Variants in PIK3C2A observed in about 807,000 individuals in gnomAD.
PIK3C2A encodes the protein phosphatidylinositol-4-phosphate 3-kinase catalytic subunit type 2 alpha, also known as phosphatidylinositol 4-phosphate 3-kinase C2 domain-containing subunit alpha.
In PIK3C2A, 97 loss-of-function variants were observed where a neutral mutation model predicts 204.5. That is an observed-to-expected ratio of 0.47 (90% CI 0.40 to 0.56). The LOEUF (loss-of-function observed/expected upper bound fraction) is 0.56. PIK3C2A is among the 20% of genes least tolerant of loss of function. The pLI is 0.00. For missense variants in PIK3C2A, 1,735 were observed against 1,969.2 expected, an observed-to-expected ratio of 0.88 and a Z score of 2.25; for synonymous variants, 653 against 664.4, an observed-to-expected ratio of 0.98 and a Z score of 0.26.
At position 17,169,013 on chromosome 11, in the gene PIK3C2A, C is replaced by T. The variant is rs377682472; in HGVS notation, c.729G>A (p.Arg243=). The part of the protein sequence containing the change: ...TSEFLKNGKA[R]TDLEITDSKV... ...TTGAATCTGTTATCTCCAAATCAGT[C>T]CTTGCTTTCCCATTTTTTAAAAATT... Residue 243 remains arginine, a synonymous_variant, in exon 2 of 33, where the codon AGG becomes AGA. Coordinates refer to ENST00000691414, the MANE Select transcript of PIK3C2A (RefSeq NM_002645.4). 2.5e-6 allele frequency: 4 copies of T among 1,613,630 alleles called. No individual in the cohort carries two copies. Among genetic ancestry groups the T allele is most frequent in the Non-Finnish European group, 3.4e-6 (4 of 1,179,880 alleles).
chr11:17,120,763 C>G (rs1849343545), intron 15 of PIK3C2A, among the ~76,000 whole-genome samples: 1 of 152,096 alleles, frequency 6.6e-6, no homozygotes, highest in South Asian at 2.1e-4. Flanking sequence ...TTTTCTTCAG[C>G]TAACCTATTT....
Position 17,169,120 on chromosome 11 carries a change from G to A in PIK3C2A, c.622C>T (p.Pro208Ser), listed in dbSNP as rs766494475. 6.2e-7 allele frequency: 1 copy of A among 1,614,090 alleles called. No individual in the cohort carries two copies. The highest frequency in any genetic ancestry group is 1.7e-5 in the Admixed American group (1 of 60,004). The change falls in exon 2 of 33, where the codon CCA (proline) becomes TCA (serine). Residue 208 changes from proline (P) to serine (S), a missense_variant. By Grantham distance (74) the Pro-to-Ser change is moderately conservative. Coordinates refer to ENST00000691414, the MANE Select transcript of PIK3C2A (RefSeq NM_002645.4). Reference sequence around the variant, plus strand: ...CGATAGATAGGTAAGCTTCCTTGTGGATGAAAGGGTGTGGCAGGTGTCAAA... The same window carrying A: ...CGATAGATAGGTAAGCTTCCTTGTGAATGAAAGGGTGTGGCAGGTGTCAAA... ...YPLTPATPFH[P>S]QGSLPIYRPV...
intron 2 of PIK3C2A, among the ~76,000 whole-genome samples, chr11:17,165,784 A>G (rs1351778017): frequency 2.0e-3 from 3 of 1,490 alleles, no homozygotes; most frequent in East Asian, 3.3e-3. Context: ...AAAAAAGTGA[A>G]AAAAAAAAAA....
chr11:17,091,314 T>C lies in PIK3C2A; in HGVS notation c.4878+20A>G, dbSNP rs775799733. The C allele has an allele frequency of 1.3e-6, 2 of 1,595,802 alleles. No individual in the cohort carries two copies. The highest frequency in any genetic ancestry group is 1.1e-5 in the South Asian group (1 of 87,826). On this transcript the variant is annotated intron_variant, in intron 32 of 32. Transcript: ENST00000691414. ...AAAAATAATAAACCAAGGAAACTTC[T>C]AGAAATGATTTTAACTTACCATTTC... is the stretch of plus-strand genomic sequence containing the variant.
At chr11:17,119,340 T>A in intron 16 of PIK3C2A, 27 bp from the exon 17 acceptor site, 1 of 1,318,166 alleles carries the variant, frequency 7.6e-7, no homozygotes, top group Non-Finnish European at 1.1e-6. Context: ...AAACCAAGAT[T>A]GGACAGTGAT....
intron 27 of PIK3C2A, among the ~76,000 whole-genome samples, chr11:17,096,132 G>A (rs531783082): frequency 4.0e-5 from 6 of 151,516 alleles, no homozygotes; most frequent in African/African-American, 1.5e-4. Flanking sequence ...TCTGCCTCTC[G>A]GGTTCAAGCG....
In PIK3C2A at chr11:17,101,259, G is replaced by T; in HGVS notation, c.4008+19C>A. ...TGCATTAATATAAAACTAATTAAGT[G>T]CTTATAAAGAATAGTTACCAGTGAA... On this transcript the variant is annotated intron_variant, in intron 25 of 32. Transcript: ENST00000691414. The T allele has an allele frequency of 2.2e-6, 3 of 1,372,920 alleles. No individual in the cohort carries two copies. The highest frequency in any genetic ancestry group is 3.0e-6 in the Non-Finnish European group (3 of 1,006,882). The allele number at this position is 1,372,920 out of a possible 1,614,324, so 85.0% of individuals were successfully genotyped here. A position where few individuals can be genotyped will look rare whatever the true frequency, so the allele number is the denominator to read the frequency against.
At chr11:17,144,455 A>G (rs1176965781) in intron 8 of PIK3C2A, among the ~76,000 whole-genome samples, 1 of 152,220 alleles carries the variant, frequency 6.6e-6, no homozygotes, top group Non-Finnish European at 1.5e-5. Context: ...GCATATAGTA[A>G]GCATCCAATA....
intron 1 of PIK3C2A, among the ~76,000 whole-genome samples, chr11:17,184,956 T>A (rs1283731204): frequency 1.3e-5 from 2 of 151,908 alleles, no homozygotes; most frequent in Non-Finnish European, 2.9e-5. Context: ...TTTTTTTTTT[T>A]AATTAAAAAG....
intron 8 of PIK3C2A, chr11:17,137,850 A>C (rs1849925874): frequency 3.2e-6 from 1 of 310,516 alleles, no homozygotes; most frequent in South Asian, 3.7e-5. Context: ...AGATTTTGTC[A>C]ATTGAACACA....
chr11:17,162,545 T>G (rs768957829), intron 2 of PIK3C2A, among the ~76,000 whole-genome samples: 3 of 152,188 alleles, frequency 2.0e-5, no homozygotes, highest in Non-Finnish European at 4.4e-5. Flanking sequence ...TACAACAAAC[T>G]GTAACCTACT....
At chr11:17,138,265 G>T in intron 8 of PIK3C2A, 1 of 786,356 alleles carries the variant, frequency 1.3e-6, no homozygotes, top group Non-Finnish European at 2.2e-6. Flanking sequence ...GTTCAGGACA[G>T]GCTAGGAAAG....
intron 1 of PIK3C2A, among the ~76,000 whole-genome samples, chr11:17,207,278 T>C (rs1591038898): frequency 6.6e-6 from 1 of 152,050 alleles, no homozygotes; most frequent in South Asian, 2.1e-4. Flanking sequence ...ACTGAAAGAA[T>C]AGTGTTCCCA....
In PIK3C2A at chr11:17,150,536, A is replaced by G; in HGVS notation, c.1289T>C (p.Ile430Thr). Residue 430 changes from isoleucine to threonine, a missense_variant, in exon 4 of 33, where the codon ATT becomes ACT. By Grantham distance (89) the Ile-to-Thr change is moderately conservative. Around this residue, in one of 6 missense-constraint regions of PIK3C2A, gnomAD observed 536 missense variants for 546.7 expected, o/e 0.98. Coordinates refer to ENST00000691414, the MANE Select transcript of PIK3C2A (RefSeq NM_002645.4). The stretch of plus-strand genomic sequence containing the variant: ...AGTAACTGGTAGCTGAAATCCTTCA[A>G]TGTCAATGGAGACCTTCACACTAGC... The part of the protein sequence containing the change: ...ENASVKVSID[I>T]EGFQLPVTFT... 1 of 1,609,202 alleles carries G rather than the reference A, an allele frequency of 6.2e-7. No homozygotes were observed. The highest frequency in any genetic ancestry group is 8.5e-7 in the Non-Finnish European group (1 of 1,177,840).
chr11:17,097,057 A>G lies in PIK3C2A; in HGVS notation c.4326T>C (p.Tyr1442=). The change falls in exon 27 of 33, where the codon TAT becomes TAC. Residue 1442 remains tyrosine, a splice_region_variant and synonymous_variant. Transcript: ENST00000691414. Reference sequence around the variant, plus strand: ...TTATGAATATTGAAATCAAACTTACATAATGTTTATCTGGGTTGTATTTCT... The same window carrying G: ...TTATGAATATTGAAATCAAACTTACGTAATGTTTATCTGGGTTGTATTTCT... The part of the protein sequence containing the change: ...YHKKYNPDKH[Y]IYVVRILREG... 4 of 1,509,992 alleles carry G rather than the reference A, an allele frequency of 2.6e-6. No homozygotes were observed. The highest frequency in any genetic ancestry group is 1.7e-4 in the Middle Eastern group (1 of 5,830). 93.5% of individuals were successfully genotyped at this position (1,509,992 alleles called of 1,614,324 possible).
chr11:17,110,641 C>T (rs1048859709), intron 21 of PIK3C2A, 80 bp from the exon 22 acceptor site: 28 of 1,359,300 alleles, frequency 2.1e-5, no homozygotes, highest in Non-Finnish European at 2.7e-5. Context: ...GCTGTAATCC[C>T]AGCACTTTGG....
At position 17,175,597 on chromosome 11, in the gene PIK3C2A, T is replaced by G. The variant is rs78898993; in HGVS notation, c.-65-5791A>C. 7.9e-4 allele frequency among the ~76,000 whole-genome samples: 120 copies of G among 152,328 alleles called. 3 individuals are homozygous for G. In the East Asian group the frequency reaches 0.021, roughly 27 times the overall value. ...AAGCTGAGAAAGACAATATAACTAG[T>G]ATTTGAATGAGGCCTGCACATCATC... On this transcript the variant is annotated intron_variant, in intron 1 of 32. Coordinates refer to ENST00000691414, the MANE Select transcript of PIK3C2A (RefSeq NM_002645.4).
At chr11:17,164,254 C>T (rs1039720461) in intron 2 of PIK3C2A, among the ~76,000 whole-genome samples, 1 of 150,880 alleles carries the variant, frequency 6.6e-6, no homozygotes, top group East Asian at 1.9e-4. Context: ...CAGGAGGCTG[C>T]ATTAGAAGAA....
intron 24 of PIK3C2A, among the ~76,000 whole-genome samples, chr11:17,102,398 C>T (rs1379322840): frequency 1.3e-5 from 2 of 152,228 alleles, no homozygotes; most frequent in East Asian, 1.9e-4. Flanking sequence ...GATCGTGCCA[C>T]TGCACTCCAG....
Sources: allele counts gnomAD v4.1 joint callset (sites outside exome capture counted in the v4.1 genomes callset), GRCh38; gene constraint gnomAD v4.1.1; regional missense constraint gnomAD v4.1.1; transcripts MANE v1.5; gene names NCBI Gene and HGNC (gene_info 2026-07-23, HGNC 2026-07-21).